DYNC2H1: variants seen among roughly 807,000 people sequenced by gnomAD.
DYNC2H1 encodes the protein cytoplasmic dynein 2 heavy chain 1.
Under a neutral mutation model 570.0 loss-of-function variants are expected in DYNC2H1, and 410 were observed. That is an observed-to-expected ratio of 0.72 (90% CI 0.66 to 0.78). The LOEUF is 0.78. Ranked by LOEUF, DYNC2H1 falls within the 30% of genes least tolerant of loss-of-function variation. DYNC2H1 has a pLI of 0.00. For synonymous variants in DYNC2H1, 1,688 were observed against 1,677.6 expected (o/e 1.01, Z -0.15); for missense variants, 4,865 against 5,046.4 (o/e 0.96, Z 1.09).
intron 84 of DYNC2H1, among the ~76,000 whole-genome samples, chr11:103,400,537 G>C (rs192453677): frequency 2.6e-4 from 40 of 152,232 alleles, no homozygotes; most frequent in African/African-American, 9.1e-4. Context: ...ATATCTATTT[G>C]ATAGAAACAA....
At chr11:103,464,072 AAACT>A (rs779085263) in intron 87 of DYNC2H1, among the ~76,000 whole-genome samples, 1 of 152,232 alleles carries the variant, frequency 6.6e-6, no homozygotes, top group East Asian at 1.9e-4. Flanking sequence ...CCAAAAAGGA[AAACT>A]AACAAAATCA....
At chr11:103,450,711 G>T (rs948148367) in intron 85 of DYNC2H1, among the ~76,000 whole-genome samples, 9 of 152,114 alleles carry the variant, frequency 5.9e-5, no homozygotes, top group Non-Finnish European at 1.0e-4. Flanking sequence ...TTACTTATTT[G>T]CATTAAACAC....
rs187946683 is a variant in DYNC2H1 at position 103,203,908 on chromosome 11, A to G, written c.8311+132A>G. On this transcript the variant is annotated intron_variant, in intron 51 of 88. Coordinates refer to ENST00000375735, the MANE Select transcript of DYNC2H1 (RefSeq NM_001377.3). The surrounding 1 kb of genome is among the most constrained non-coding windows in gnomAD (Gnocchi z 4.7). ...TTTTCTGGAGCTTTTAGAAAGTAACACCTAACTAGTGGATAGGCTAACCTA... is the reference window on the plus strand; with the variant it reads ...TTTTCTGGAGCTTTTAGAAAGTAACGCCTAACTAGTGGATAGGCTAACCTA... 1.6e-6 allele frequency: 1 copy of G among 639,492 alleles called. No individual in the cohort carries two copies. Among genetic ancestry groups the G allele is most frequent in the South Asian group, 2.3e-5 (1 of 43,878 alleles). 39.6% of individuals were successfully genotyped at this position (639,492 alleles called of 1,614,324 possible).
intron 84 of DYNC2H1, among the ~76,000 whole-genome samples, chr11:103,428,645 C>T (rs1943769983): frequency 6.6e-6 from 1 of 152,088 alleles, no homozygotes; most frequent in South Asian, 2.1e-4. Context: ...CCCATTCACC[C>T]CTTCCCCAGC....
rs1435333060 is a variant in DYNC2H1, at chr11:103,472,678, G to A, written c.12765+3973G>A. 6.6e-6 allele frequency among the ~76,000 whole-genome samples: 1 copy of A among 152,012 alleles called. No individual in the cohort carries two copies. Among genetic ancestry groups the A allele is most frequent in the Non-Finnish European group, 1.5e-5 (1 of 68,004 alleles). On this transcript the variant is annotated intron_variant, in intron 88 of 88. Coordinates refer to ENST00000375735, the MANE Select transcript of DYNC2H1 (RefSeq NM_001377.3). The surrounding 1 kb of genome is among the most constrained non-coding windows in gnomAD (Gnocchi z 4.1). ...GATTACATACCAAGCACTATGCAAG[G>A]TGTTTCAAATACAAGATATTAAGCT... is the stretch of plus-strand genomic sequence containing the variant.
At chr11:103,139,905 T>C (rs1043833135) in intron 17 of DYNC2H1, among the ~76,000 whole-genome samples, 1 of 152,246 alleles carries the variant, frequency 6.6e-6, no homozygotes, top group African/African-American at 2.4e-5. Context: ...GCTCCTGTAT[T>C]GAGTGCATAT....
chr11:103,274,874 G>A (rs919079494), intron 70 of DYNC2H1, among the ~76,000 whole-genome samples: 9 of 151,906 alleles, frequency 5.9e-5, no homozygotes, highest in Non-Finnish European at 1.2e-4. Context: ...GCGGGCGGAA[G>A]ACCTGAGGTC....
At chr11:103,368,074 C>T (rs746828637) in intron 83 of DYNC2H1, among the ~76,000 whole-genome samples, 7 of 152,006 alleles carry the variant, frequency 4.6e-5, no homozygotes, top group East Asian at 1.9e-4. Flanking sequence ...CTACAGTAAA[C>T]GTGGGAGTTC....
rs140975688 is a variant in DYNC2H1 at position 103,242,216 on chromosome 11, C to T, written c.9820-1477C>T. Among the ~76,000 whole-genome samples the T allele has an allele frequency of 1.4e-3, 210 of 152,158 alleles. 2 individuals are homozygous for T. In the East Asian group the frequency reaches 0.036, roughly 26 times the overall value. On this transcript the variant is annotated intron_variant, in intron 63 of 88. Coordinates refer to ENST00000375735, the MANE Select transcript of DYNC2H1 (RefSeq NM_001377.3). ...TGATATACATACATGCATATATATA[C>T]ATACAATGTTTTTTCTAAACATACA... is the stretch of plus-strand genomic sequence containing the variant.
At chr11:103,288,017 G>A (rs973201245) in intron 75 of DYNC2H1, among the ~76,000 whole-genome samples, 7 of 152,156 alleles carry the variant, frequency 4.6e-5, no homozygotes, top group Non-Finnish European at 1.0e-4. Context: ...GGTCAGGTTG[G>A]AGATGGAATC....
intron 82 of DYNC2H1, among the ~76,000 whole-genome samples, chr11:103,341,256 C>T (rs765164847): frequency 2.3e-4 from 35 of 152,218 alleles, no homozygotes; most frequent in Non-Finnish European, 4.1e-4. Context: ...TTCTATTTCT[C>T]TTTCCTAGAA....
In DYNC2H1 at chr11:103,241,690, T is replaced by G; in HGVS notation, c.9820-2003T>G. The G allele has an allele frequency of 1.5e-6, 1 of 650,144 alleles. No individual in the cohort carries two copies. Among genetic ancestry groups the G allele is most frequent in the South Asian group, 1.7e-5 (1 of 57,370 alleles). 40.3% of individuals were successfully genotyped at this position (650,144 alleles called of 1,614,324 possible). A position where few individuals can be genotyped will look rare whatever the true frequency, so the allele number is the denominator to read the frequency against. On this transcript the variant is annotated intron_variant, in intron 63 of 88. Transcript: ENST00000375735. This position sits in a 1 kb window ranked among gnomAD's most constrained non-coding sequence, Gnocchi z 5.1. The stretch of plus-strand genomic sequence containing the variant: ...CCATGGTAACACTTCACAGGCTATT[T>G]ACTAACCACATCATTGTGCTTCGAG...
chr11:103,365,942 T>C (rs1940886693), intron 83 of DYNC2H1, among the ~76,000 whole-genome samples: 1 of 152,228 alleles, frequency 6.6e-6, no homozygotes, highest in Non-Finnish European at 1.5e-5. Context: ...GAAGTAGTTT[T>C]GAATGCAGGA....
chr11:103,341,262 T>G (rs1408441399), intron 82 of DYNC2H1, among the ~76,000 whole-genome samples: 1 of 152,224 alleles, frequency 6.6e-6, no homozygotes, highest in Non-Finnish European at 1.5e-5. Flanking sequence ...TTCTCTTTCC[T>G]AGAATTTGTT....
intron 61 of DYNC2H1, among the ~76,000 whole-genome samples, chr11:103,235,027 A>G (rs915047441): frequency 6.6e-6 from 1 of 151,478 alleles, no homozygotes; most frequent in Non-Finnish European, 1.5e-5. Context: ...TTCTCATCTG[A>G]CTTTTTTAAT....
chr11:103,453,713 ATAG>A lies in DYNC2H1; in HGVS notation c.12457-1467_12457-1465del, dbSNP rs563196126. On this transcript the variant is annotated intron_variant, in intron 85 of 88. Transcript: ENST00000375735. ...AAATTAATTTTACAGCATTAATGAA[ATAG>A]TAGTATAGTTGGAAATACTTATTAA... is the stretch of plus-strand genomic sequence containing the variant. 2.0e-4 allele frequency among the ~76,000 whole-genome samples: 30 copies of A among 150,876 alleles called. 1 individual carries two copies. The highest frequency in any genetic ancestry group is 1.5e-3 in the South Asian group (7 of 4,810).
chr11:103,222,259 T>C, intron 58 of DYNC2H1, 106 bp downstream of exon 58: 1 of 770,020 alleles, frequency 1.3e-6, no homozygotes, highest in Non-Finnish European at 1.9e-6. Context: ...CACCTAAAAA[T>C]GAAAATAAAA....
At chr11:103,343,194 C>T (rs374955415) in intron 82 of DYNC2H1, among the ~76,000 whole-genome samples, 19 of 152,098 alleles carry the variant, frequency 1.2e-4, no homozygotes, top group African/African-American at 9.7e-5. Context: ...TCTGAGGTCC[C>T]GACAAAAGTT....
intron 83 of DYNC2H1, among the ~76,000 whole-genome samples, chr11:103,376,998 G>A (rs529739286): frequency 6.6e-6 from 1 of 152,252 alleles, no homozygotes; most frequent in East Asian, 1.9e-4. Flanking sequence ...TGACTGTCTA[G>A]TGGGGATTCC....
Sources: gnomAD v4.1 joint callset for allele counts (sites outside exome capture counted in the v4.1 genomes callset) on GRCh38, gnomAD v4.1.1 for gene constraint, Gnocchi (gnomAD v3.1) non-coding constraint, MANE v1.5 for transcripts, NCBI Gene and HGNC (gene_info 2026-07-23, HGNC 2026-07-21) for gene names.